Variants in NWD2 observed in about 807,000 individuals in gnomAD.
NWD2 encodes the protein NACHT and WD repeat domain containing 2, also known as NACHT and WD repeat domain-containing protein 2.
NWD2 carries 37 observed loss-of-function variants against 132.7 expected under a neutral mutation model. The ratio of observed to expected loss-of-function variants is 0.28; its 90% CI spans 0.21 to 0.37. The LOEUF is 0.37. Ranked by LOEUF, NWD2 falls within the 10% of genes least tolerant of loss-of-function variation. NWD2 has a pLI of 1.00. For missense variants in NWD2, 1,592 were observed against 2,122.4 expected (o/e 0.75, Z 4.91); for synonymous variants, 705 against 803.0 (o/e 0.88, Z 2.06).
At chr4:37,422,980 A>G (rs914770154) in intron 3 of NWD2, among the ~76,000 whole-genome samples, 2 of 144,570 alleles carry the variant, frequency 1.4e-5, no homozygotes, top group Non-Finnish European at 3.1e-5. Flanking sequence ...ATTGTAGGAA[A>G]TTGATTTTTT....
rs143271223 is a variant in NWD2, at chr4:37,294,674, T to C, written c.152-31262T>C. On this transcript the variant is annotated intron_variant, in intron 1 of 6. Transcript: ENST00000309447. ...AAACAAAAAACCTTAATTCGATAGA[T>C]TTGACTATTTTTAAGGATAAGGTCA... 2.8e-3 allele frequency among the ~76,000 whole-genome samples: 419 copies of C among 152,342 alleles called. 3 individuals carry two copies. The highest frequency in any genetic ancestry group is 9.8e-3 in the African/African-American group (406 of 41,572).
intron 3 of NWD2, among the ~76,000 whole-genome samples, chr4:37,371,101 A>C (rs1720219839): frequency 8.3e-6 from 1 of 121,212 alleles, no homozygotes; most frequent in African/African-American, 3.2e-5. Flanking sequence ...TTTTTGAGAC[A>C]GATTCTCAGT....
chr4:37,328,034 C>G (rs2109288733), intron 2 of NWD2, among the ~76,000 whole-genome samples: 1 of 152,218 alleles, frequency 6.6e-6, no homozygotes, highest in South Asian at 2.1e-4. Context: ...AAGACTCTTC[C>G]TATCTAACCT....
chr4:37,275,392 G>A (rs1717986638), intron 1 of NWD2, among the ~76,000 whole-genome samples: 1 of 152,072 alleles, frequency 6.6e-6, no homozygotes, highest in South Asian at 2.1e-4. Context: ...CCTCTTCAAG[G>A]AGAACTACAA....
At position 37,244,770 on chromosome 4, in the gene NWD2, C is replaced by A. The variant is rs1488095292; in HGVS notation, c.-298C>A. 3.0e-6 allele frequency: 1 copy of A among 334,256 alleles called. No homozygotes were observed. Among genetic ancestry groups the A allele is most frequent in the African/African-American group, 2.2e-5 (1 of 46,224 alleles). 20.7% of individuals were successfully genotyped at this position (334,256 alleles called of 1,614,324 possible). A position where few individuals can be genotyped will look rare whatever the true frequency, so the allele number is the denominator to read the frequency against. ...ACGGGCGCTGCGCGCGTAGCCGCCG[C>A]CACGCTGACCTCCCGCTCCAGCTGG... On this transcript the variant is annotated 5_prime_UTR_variant, in exon 1 of 7. Coordinates refer to ENST00000309447, the MANE Select transcript of NWD2 (RefSeq NM_001144990.2). The surrounding 1 kb of genome is among the most constrained non-coding windows in gnomAD (Gnocchi z 5.5).
chr4:37,317,820 A>G (rs1202396248), intron 1 of NWD2, among the ~76,000 whole-genome samples: 3 of 152,196 alleles, frequency 2.0e-5, no homozygotes, highest in Non-Finnish European at 2.9e-5. Flanking sequence ...CACATATGAT[A>G]GTTAATGCTG....
intron 3 of NWD2, among the ~76,000 whole-genome samples, chr4:37,382,147 T>C (rs971966387): frequency 6.6e-6 from 1 of 152,154 alleles, no homozygotes; most frequent in African/African-American, 2.4e-5. Flanking sequence ...CCTAAAGAAG[T>C]TAGTCCAGGC....
chr4:37,320,201 C>A (rs1383813021), intron 1 of NWD2, among the ~76,000 whole-genome samples: 1 of 152,012 alleles, frequency 6.6e-6, no homozygotes, highest in South Asian at 2.1e-4. Context: ...TCTGATAGGA[C>A]CTTCTGAGCA....
intron 3 of NWD2, among the ~76,000 whole-genome samples, chr4:37,399,047 CA>C (rs1353937146): frequency 1.3e-5 from 2 of 152,206 alleles, no homozygotes; most frequent in Non-Finnish European, 2.9e-5. Context: ...GAAAGGTACA[CA>C]TTTTATAATA....
At chr4:37,258,129 G>A (rs984048169) in intron 1 of NWD2, among the ~76,000 whole-genome samples, 2 of 152,232 alleles carry the variant, frequency 1.3e-5, no homozygotes, top group Non-Finnish European at 1.5e-5. Context: ...TTTGCTCATA[G>A]TTCCAAAGAG....
intron 3 of NWD2, among the ~76,000 whole-genome samples, chr4:37,389,617 G>A (rs1478901464): frequency 6.6e-6 from 1 of 152,132 alleles, no homozygotes; most frequent in Non-Finnish European, 1.5e-5. Context: ...CCTGCCTCAC[G>A]GGTGGTAGTG....
chr4:37,404,658 A>G (rs1720959552), intron 3 of NWD2, among the ~76,000 whole-genome samples: 1 of 152,206 alleles, frequency 6.6e-6, no homozygotes, highest in Non-Finnish European at 1.5e-5. Flanking sequence ...GAAGTACCTG[A>G]GACTGGATAA....
In NWD2 at chr4:37,439,531, CT is replaced by C. The variant is rs1712424658; in HGVS notation, c.1296+147del. On this transcript the variant is annotated intron_variant, in intron 6 of 6. Coordinates refer to ENST00000309447, the MANE Select transcript of NWD2 (RefSeq NM_001144990.2). This position sits in a 1 kb window ranked among gnomAD's most constrained non-coding sequence, Gnocchi z 4.5. The stretch of plus-strand genomic sequence containing the variant: ...TTTAGGAGTGAATACTGCAGTGCTT[CT>C]TTTTTGCTGGTATAACAGTTATATT... 7.0e-6 allele frequency: 4 copies of C among 571,010 alleles called. No homozygotes were observed. Among genetic ancestry groups the C allele is most frequent in the Non-Finnish European group, 1.2e-5 (4 of 343,236 alleles). 35.4% of individuals were successfully genotyped at this position (571,010 alleles called of 1,614,324 possible).
At position 37,443,640 on chromosome 4, in the gene NWD2, G is replaced by A. The variant is rs1712546019; in HGVS notation, c.1652G>A (p.Gly551Glu). 1 of 1,552,012 alleles carries A rather than the reference G, an allele frequency of 6.4e-7. No individual in the cohort carries two copies. The highest frequency in any genetic ancestry group is 8.7e-7 in the Non-Finnish European group (1 of 1,147,074). Residue 551 changes from glycine to glutamate, a missense_variant, in exon 7 of 7, where the codon GGG (glycine) becomes GAG (glutamate). Coordinates refer to ENST00000309447, the MANE Select transcript of NWD2 (RefSeq NM_001144990.2). This position sits in a 1 kb window ranked among gnomAD's most constrained non-coding sequence, Gnocchi z 4.1. The part of the protein sequence containing the change: ...IVLSTLPNKH[G>E]ILQKLRCLIH... The stretch of plus-strand genomic sequence containing the variant: ...CTTTCCACGCTGCCCAACAAACATG[G>A]GATCTTGCAGAAACTAAGGTGCCTT...
intron 1 of NWD2, among the ~76,000 whole-genome samples, chr4:37,268,281 A>G (rs979938382): frequency 2.0e-5 from 3 of 151,894 alleles, no homozygotes; most frequent in African/African-American, 7.2e-5. Flanking sequence ...TTTGTCCACA[A>G]CTCATCAAAA....
At chr4:37,289,542 G>A (rs1157726594) in intron 1 of NWD2, among the ~76,000 whole-genome samples, 3 of 151,952 alleles carry the variant, frequency 2.0e-5, no homozygotes, top group African/African-American at 7.3e-5. Context: ...TTTATTATAT[G>A]TATTTCACAG....
At position 37,332,805 on chromosome 4, in the gene NWD2, C is replaced by T. The variant is rs144506705; in HGVS notation, c.240+6781C>T. On this transcript the variant is annotated intron_variant, in intron 2 of 6. Transcript: ENST00000309447. ...GGCTCTTGGGGTTCCCAGTTCCAGG[C>T]CTTGGCTCTCAGATGGTATTTCTGG... Among the ~76,000 whole-genome samples the T allele has an allele frequency of 5.7e-3, 868 of 152,242 alleles. 7 individuals carry two copies. Among genetic ancestry groups the T allele is most frequent in the African/African-American group, 0.02 (833 of 41,546 alleles).
intron 1 of NWD2, among the ~76,000 whole-genome samples, chr4:37,247,102 G>A (rs1414569745): frequency 6.6e-6 from 1 of 152,156 alleles, no homozygotes; most frequent in African/African-American, 2.4e-5. Context: ...CTTCCACAAG[G>A]ATCTTAACAA....
chr4:37,393,043 G>A (rs559445579), intron 3 of NWD2, among the ~76,000 whole-genome samples: 5 of 152,318 alleles, frequency 3.3e-5, no homozygotes, highest in Admixed American at 2.6e-4. Flanking sequence ...GGAGCAGGCA[G>A]TCATTTGGTT....
Sources: allele counts gnomAD v4.1 joint callset (sites outside exome capture counted in the v4.1 genomes callset), GRCh38; gene constraint gnomAD v4.1.1; non-coding constraint Gnocchi (gnomAD v3.1); transcripts MANE v1.5; gene names NCBI Gene and HGNC (gene_info 2026-07-23, HGNC 2026-07-21).